SVOPL: variants seen among roughly 807,000 people sequenced by gnomAD.
The protein encoded by SVOPL is SVOP like, also known as putative transporter SVOPL.
Under a neutral mutation model 61.0 loss-of-function variants are expected in SVOPL, and 60 were observed. The observed-to-expected ratio is 0.98, with a 90% CI of 0.80 to 1.22. The LOEUF (loss-of-function observed/expected upper bound fraction) is 1.22, where lower values mean the gene tolerates loss of function less well. SVOPL is among the 50% of genes most tolerant of loss of function. The pLI is 0.00. For synonymous variants in SVOPL, 279 were observed against 250.0 expected (o/e 1.12, Z -1.09); for missense variants, 662 against 643.9 (o/e 1.03, Z -0.30).
chr7:138,676,946 A>C (rs7799867), intron 3 of SVOPL, among the ~76,000 whole-genome samples: 69,045 of 142,428 alleles, frequency 0.48, 17,377 homozygotes, highest in African/African-American at 0.6. Context: ...CTCTGTCATC[A>C]GGGCTGGAGT....
intron 9 of SVOPL, among the ~76,000 whole-genome samples, chr7:138,633,644 A>T (rs73458880): frequency 0.11 from 17,228 of 152,118 alleles, 2,750 homozygotes; most frequent in African/African-American, 0.36. Context: ...ACGAACAGAC[A>T]CACTGCTCCA....
At chr7:138,658,148 G>C (rs954454797) in intron 6 of SVOPL, among the ~76,000 whole-genome samples, 2 of 152,122 alleles carry the variant, frequency 1.3e-5, no homozygotes, top group Non-Finnish European at 2.9e-5. Flanking sequence ...TGTGAAACCA[G>C]TCCTGCTGAT....
chr7:138,622,186 CTATCTATCTATCTATG>C lies in SVOPL; in HGVS notation c.1264-1067_1264-1052del, dbSNP rs1799670464. Among the ~76,000 whole-genome samples, 17 of 59,686 alleles carry C rather than the reference CTATCTATCTATCTATG, an allele frequency of 2.8e-4. 4 individuals carry two copies. Among genetic ancestry groups the C allele is most frequent in the African/African-American group, 7.0e-4 (9 of 12,820 alleles). 39.2% of individuals were successfully genotyped at this position (59,686 alleles called of 152,430 possible). On this transcript the variant is annotated intron_variant, in intron 13 of 15. Coordinates refer to ENST00000674285, the MANE Select transcript of SVOPL (RefSeq NM_001139456.2). ...TCTATGTATCTATCTGTCTATGTAT[CTATCTATCTATCTATG>C]TATCTATCTATCTATCTATGTATCT...
At chr7:138,630,017 TA>T in intron 10 of SVOPL, 31 bp downstream of exon 10, 1 of 1,591,096 alleles carries the variant, frequency 6.3e-7, no homozygotes. Flanking sequence ...TGCCTCTATT[TA>T]AAACTAGCTT....
At chr7:138,689,541 A>C in intron 1 of SVOPL, 1 of 586,904 alleles carries the variant, frequency 1.7e-6, no homozygotes, top group Non-Finnish European at 3.0e-6. Context: ...GCATTAAAAT[A>C]AATGAAATTA....
intron 11 of SVOPL, among the ~76,000 whole-genome samples, chr7:138,627,770 G>T (rs1799958262): frequency 6.6e-6 from 1 of 152,036 alleles, no homozygotes; most frequent in Admixed American, 6.6e-5. Flanking sequence ...CAAATTCAAG[G>T]TGCCATTGAT....
intron 14 of SVOPL, among the ~76,000 whole-genome samples, chr7:138,599,758 T>C (rs1798434247): frequency 6.6e-6 from 1 of 151,898 alleles, no homozygotes; most frequent in Admixed American, 6.6e-5. Context: ...CGTGGTGGTG[T>C]GCACCTGTGG....
chr7:138,594,578 T>C lies in SVOPL; in HGVS notation c.*32A>G, dbSNP rs1023690350. The stretch of plus-strand genomic sequence containing the variant: ...GCAGTTCTGAAGATAGAATTCATTT[T>C]TCTCATCTGGTAGACATAGCTTTGC... On this transcript the variant is annotated 3_prime_UTR_variant, in exon 16 of 16. Coordinates refer to ENST00000674285, the MANE Select transcript of SVOPL (RefSeq NM_001139456.2). 1.3e-6 allele frequency: 2 copies of C among 1,586,600 alleles called. No individual in the cohort carries two copies. Among genetic ancestry groups the C allele is most frequent in the Admixed American group, 1.9e-5 (1 of 53,506 alleles).
In SVOPL at chr7:138,648,532, CCAAAAAAAAAA is replaced by C. The variant is rs1278027136; in HGVS notation, c.660+469_660+479del. Among the ~76,000 whole-genome samples the C allele has an allele frequency of 1.8e-4, 19 of 104,058 alleles. No individual in the cohort carries two copies. In the East Asian group the frequency reaches 4.9e-3, roughly 27 times the overall value. 68.3% of individuals were successfully genotyped at this position (104,058 alleles called of 152,430 possible). A position where few individuals can be genotyped will look rare whatever the true frequency, so the allele number is the denominator to read the frequency against. The stretch of plus-strand genomic sequence containing the variant: ...GTGAAACACTGTCTCTACTAAAAAT[CCAAAAAAAAAA>C]AAAAAAAAAAAAAAATTAGTCAGGC... On this transcript the variant is annotated intron_variant, in intron 8 of 15. Transcript: ENST00000674285.
At chr7:138,678,799 G>A (rs1271813180) in intron 2 of SVOPL, among the ~76,000 whole-genome samples, 165 bp downstream of exon 2, 1 of 152,162 alleles carries the variant, frequency 6.6e-6, no homozygotes, top group Non-Finnish European at 1.5e-5. Flanking sequence ...CCAAACTCCT[G>A]ACCTCAGTGA....
At chr7:138,649,181 T>C (rs1471132642) in intron 7 of SVOPL, 44 bp from the exon 8 acceptor site, 8 of 1,495,002 alleles carry the variant, frequency 5.4e-6, no homozygotes, top group Non-Finnish European at 7.1e-6. Context: ...TGGGGAATTA[T>C]GACAATGAAA....
rs1802749246 is a variant in SVOPL, at chr7:138,683,826, G to A, written c.-34-4747C>T. ...CCCAGCGTTTTGTGAGGCTGAGGCG[G>A]GCAGATCACAAGATCAGGAGTTCGA... On this transcript the variant is annotated intron_variant, in intron 1 of 15. Transcript: ENST00000674285. 2.0e-5 allele frequency among the ~76,000 whole-genome samples: 3 copies of A among 151,594 alleles called. No homozygotes were observed. In the South Asian group the frequency reaches 6.2e-4, roughly 32 times the overall value.
At chr7:138,651,189 C>G (rs751364714) in intron 7 of SVOPL, among the ~76,000 whole-genome samples, 5 of 152,086 alleles carry the variant, frequency 3.3e-5, no homozygotes, top group Non-Finnish European at 5.9e-5. Flanking sequence ...ACTGAAAGCT[C>G]GGTGTGGAAG....
chr7:138,683,493 G>A (rs374798488), intron 1 of SVOPL, among the ~76,000 whole-genome samples: 39 of 151,970 alleles, frequency 2.6e-4, no homozygotes, highest in Middle Eastern at 6.8e-3. Flanking sequence ...TCAGCCTCCC[G>A]AGTAGCTGGG....
chr7:138,631,992 A>ACACACACACACACACACACC (rs1224217933), intron 9 of SVOPL, among the ~76,000 whole-genome samples: 3 of 150,500 alleles, frequency 2.0e-5, no homozygotes, highest in Non-Finnish European at 4.4e-5. Flanking sequence ...ACATACACAC[A>ACACACACACACACACACACC]CCCCTACACC....
intron 11 of SVOPL, among the ~76,000 whole-genome samples, chr7:138,627,716 G>A (rs949055529): frequency 1.3e-5 from 2 of 152,186 alleles, no homozygotes; most frequent in Non-Finnish European, 2.9e-5. Context: ...ATTGTAGATT[G>A]CCAGTTGCTA....
chr7:138,605,255 A>C (rs2116778166), intron 14 of SVOPL, among the ~76,000 whole-genome samples: 1 of 152,210 alleles, frequency 6.6e-6, no homozygotes, highest in Non-Finnish European at 1.5e-5. Context: ...AGAATGACCA[A>C]AGAACAACAT....
chr7:138,646,266 G>A (rs1290915466), intron 8 of SVOPL: 13 of 166,350 alleles, frequency 7.8e-5, no homozygotes, highest in Non-Finnish European at 1.4e-4. Flanking sequence ...AAGCTGCGTA[G>A]CATCATAGAC....
intron 14 of SVOPL, among the ~76,000 whole-genome samples, chr7:138,598,307 A>G (rs1459250166): frequency 6.6e-6 from 1 of 152,220 alleles, no homozygotes; most frequent in Non-Finnish European, 1.5e-5. Context: ...AAGGTTATAC[A>G]TCAAATAAAA....
Sources: gnomAD v4.1 joint callset for allele counts (sites outside exome capture counted in the v4.1 genomes callset) on GRCh38, gnomAD v4.1.1 for gene constraint, MANE v1.5 for transcripts, NCBI Gene and HGNC (gene_info 2026-07-23, HGNC 2026-07-21) for gene names.